Variants in UBE2D4 observed in about 807,000 individuals in gnomAD.
UBE2D4 encodes ubiquitin-conjugating enzyme E2 D4.
A neutral mutation model predicts 23.0 loss-of-function variants in UBE2D4; 17 were observed. The ratio of observed to expected loss-of-function variants is 0.74; its 90% confidence interval spans 0.51 to 1.11. The LOEUF is 1.11. Among genes scored for constraint, UBE2D4 ranks in the 50% least tolerant of loss-of-function variants. The pLI, the probability that UBE2D4 is intolerant of heterozygous loss-of-function variation, is 0.00. For synonymous variants in UBE2D4, 61 were observed against 69.4 expected (o/e 0.88, Z 0.60); for missense variants, 139 against 181.8 (o/e 0.76, Z 1.35).
chr7:43,941,317 C>G (rs1207018479), intron 2 of UBE2D4: 2 of 152,236 alleles, frequency 1.3e-5, no homozygotes, highest in Non-Finnish European at 2.9e-5. Flanking sequence ...ATTTGTATGA[C>G]TTGGGAGCCT....
chr7:43,945,746 T>C (rs10229021), intron 4 of UBE2D4, among the ~76,000 whole-genome samples: 13,996 of 151,148 alleles, frequency 0.093, 843 homozygotes, highest in Middle Eastern at 0.16. Flanking sequence ...TACCAGTGAG[T>C]TCTCAAAGCT....
At chr7:43,926,700 G>T in intron 1 of UBE2D4, 144 bp downstream of exon 1, 3 of 893,684 alleles carry the variant, frequency 3.4e-6, no homozygotes, top group Non-Finnish European at 4.7e-6. Context: ...ACAGCCTCCC[G>T]CGCAGCCTGA....
chr7:43,939,248 A>G (rs565061977), intron 2 of UBE2D4, among the ~76,000 whole-genome samples: 1 of 152,206 alleles, frequency 6.6e-6, no homozygotes, highest in East Asian at 1.9e-4. Context: ...TGCCAAGGGG[A>G]AGGGCAGTCC....
At chr7:43,932,821 T>TA (rs974403222) in intron 1 of UBE2D4, among the ~76,000 whole-genome samples, 3 of 149,622 alleles carry the variant, frequency 2.0e-5, no homozygotes, top group Non-Finnish European at 3.0e-5. Flanking sequence ...AAATACATAA[T>TA]AAAAAAATAA....
chr7:43,946,515 GCTTC>G (rs1696269426), intron 4 of UBE2D4, among the ~76,000 whole-genome samples: 1 of 151,906 alleles, frequency 6.6e-6, no homozygotes, highest in African/African-American at 2.4e-5. Context: ...ACTTGTTTGT[GCTTC>G]CTTGTTTTTC....
intron 1 of UBE2D4, among the ~76,000 whole-genome samples, chr7:43,935,146 C>T (rs1378981683): frequency 9.2e-5 from 14 of 152,144 alleles, no homozygotes; most frequent in Non-Finnish European, 2.1e-4. Flanking sequence ...TACATTGTTT[C>T]ACTTGTTCCT....
intron 1 of UBE2D4, among the ~76,000 whole-genome samples, chr7:43,928,440 A>G (rs1362972550): frequency 2.0e-5 from 3 of 150,800 alleles, no homozygotes; most frequent in African/African-American, 7.3e-5. Flanking sequence ...TTTTTTAAAT[A>G]AATAGCTGTC....
intron 1 of UBE2D4, among the ~76,000 whole-genome samples, chr7:43,935,162 C>A (rs549141238): frequency 2.6e-4 from 40 of 152,258 alleles, no homozygotes; most frequent in African/African-American, 9.1e-4. Context: ...TTCCTCACAA[C>A]AACCCTGTGA....
intron 1 of UBE2D4, among the ~76,000 whole-genome samples, chr7:43,929,936 G>A (rs747627818): frequency 6.6e-5 from 10 of 152,188 alleles, no homozygotes; most frequent in Non-Finnish European, 1.2e-4. Flanking sequence ...CAGAGGCTGA[G>A]CTGCCCTTGT....
At chr7:43,926,928 T>TGGGGAAAA (rs1163921422) in intron 1 of UBE2D4, among the ~76,000 whole-genome samples, 16 of 151,882 alleles carry the variant, frequency 1.1e-4, no homozygotes, top group Admixed American at 4.6e-4. Context: ...ACTCGGCAGG[T>TGGGGAAAA]GGGGAAAAGG....
intron 4 of UBE2D4, among the ~76,000 whole-genome samples, chr7:43,945,361 G>T (rs1318376728): frequency 6.6e-6 from 1 of 152,176 alleles, no homozygotes; most frequent in East Asian, 1.9e-4. Context: ...TTAACAAGGA[G>T]AGATGTGAGC....
chr7:43,926,714 G>A lies in UBE2D4; in HGVS notation c.24+158G>A, dbSNP rs181422366. On this transcript the variant is annotated intron_variant, in intron 1 of 6. Transcript: ENST00000222402. Reference sequence around the variant, plus strand: ...AACAGCCTCCCGCGCAGCCTGAAAAGCGAACGCAGCCTGAGAAAGGGATTG... The same window carrying A: ...AACAGCCTCCCGCGCAGCCTGAAAAACGAACGCAGCCTGAGAAAGGGATTG... Among the ~76,000 whole-genome samples, 419 of 152,186 alleles carry A rather than the reference G, an allele frequency of 2.8e-3. 3 individuals are homozygous for A. The highest frequency in any genetic ancestry group is 0.021 in the East Asian group (107 of 5,168).
intron 6 of UBE2D4, chr7:43,951,891 T>C (rs2096003335): frequency 1.3e-5 from 2 of 152,234 alleles, no homozygotes; most frequent in South Asian, 4.1e-4. Context: ...CATTGGAGTT[T>C]TCTCAATAAC....
chr7:43,953,414 A>G lies in UBE2D4; in HGVS notation c.*719A>G, dbSNP rs1218025239. ...TATGAAACCTCTAGAGATTTGGGTCATGTTACTCCATTTGATGAAGATTCT... is the reference window on the plus strand; with the variant it reads ...TATGAAACCTCTAGAGATTTGGGTCGTGTTACTCCATTTGATGAAGATTCT... On this transcript the variant is annotated 3_prime_UTR_variant, in exon 7 of 7. Coordinates refer to ENST00000222402, the MANE Select transcript of UBE2D4 (RefSeq NM_015983.4). The G allele has an allele frequency of 2.9e-6, 1 of 344,078 alleles. No individual in the cohort carries two copies. The highest frequency in any genetic ancestry group is 5.7e-6 in the Non-Finnish European group (1 of 176,062). 21.3% of individuals were successfully genotyped at this position (344,078 alleles called of 1,614,324 possible).
chr7:43,953,997 A>G lies in UBE2D4; in HGVS notation c.*1302A>G, dbSNP rs1188136410. On this transcript the variant is annotated 3_prime_UTR_variant, in exon 7 of 7. Coordinates refer to ENST00000222402, the MANE Select transcript of UBE2D4 (RefSeq NM_015983.4). ...GAAAGGAAGTCTACAGACCTAACAT[A>G]AGCAGTCAGCCAAAGGTGGCTGTGG... 1 of 152,190 alleles carries G rather than the reference A, an allele frequency of 6.6e-6. No individual in the cohort carries two copies. The highest frequency in any genetic ancestry group is 1.5e-5 in the Non-Finnish European group (1 of 68,034). 9.4% of individuals were successfully genotyped at this position (152,190 alleles called of 1,614,324 possible). A position where few individuals can be genotyped will look rare whatever the true frequency, so the allele number is the denominator to read the frequency against.
At chr7:43,934,669 TA>T (rs1211643741) in intron 1 of UBE2D4, among the ~76,000 whole-genome samples, 2 of 150,302 alleles carry the variant, frequency 1.3e-5, no homozygotes, top group East Asian at 3.9e-4. Context: ...GAAGAAAAAG[TA>T]CATTTTATTT....
At chr7:43,933,013 TAC>T (rs1246837914) in intron 1 of UBE2D4, among the ~76,000 whole-genome samples, 16 of 116,582 alleles carry the variant, frequency 1.4e-4, no homozygotes, top group Admixed American at 3.4e-4. Flanking sequence ...TATATATATA[TAC>T]ACACACATAT....
rs1295533595 is a variant in UBE2D4 at position 43,952,633 on chromosome 7, C to T, written c.399-17C>T. 1.2e-6 allele frequency: 2 copies of T among 1,612,774 alleles called. No homozygotes were observed. Among genetic ancestry groups the T allele is most frequent in the Non-Finnish European group, 1.7e-6 (2 of 1,178,906 alleles). ...ATTTCAAGTGAGGGTGTCACTTCCT[C>T]TGCTTTTTTATTCCAGGTACAACAG... On this transcript the variant is annotated splice_polypyrimidine_tract_variant and intron_variant, in intron 6 of 6. Coordinates refer to ENST00000222402, the MANE Select transcript of UBE2D4 (RefSeq NM_015983.4).
At chr7:43,936,401 CT>C (rs1319957181) in intron 1 of UBE2D4, among the ~76,000 whole-genome samples, 1 of 152,090 alleles carries the variant, frequency 6.6e-6, no homozygotes, top group African/African-American at 2.4e-5. Context: ...CTTACTTTCT[CT>C]TTTTCGGAAC....
Sources: gnomAD v4.1 joint callset for allele counts (sites outside exome capture counted in the v4.1 genomes callset) on GRCh38, gnomAD v4.1.1 for gene constraint, MANE v1.5 for transcripts, NCBI Gene and HGNC (gene_info 2026-07-23, HGNC 2026-07-21) for gene names.